Variants in RALYL observed in about 807,000 individuals in gnomAD.
RALYL encodes RNA-binding Raly-like protein.
In RALYL, 29 loss-of-function variants were observed where a neutral mutation model predicts 35.1. The ratio of observed to expected loss-of-function variants is 0.83; its 90% CI spans 0.61 to 1.13. The LOEUF is 1.13. Ranked by LOEUF, RALYL falls within the 50% of genes most tolerant of loss-of-function variation. The pLI is 0.00. For synonymous variants in RALYL, 120 were observed against 127.6 expected (o/e 0.94, Z 0.40); for missense variants, 359 against 360.4 (o/e 1.00, Z 0.03).
intron 1 of RALYL, among the ~76,000 whole-genome samples, chr8:84,499,282 A>G (rs1183488578): frequency 1.3e-5 from 2 of 152,070 alleles, no homozygotes; most frequent in Non-Finnish European, 2.9e-5. Context: ...GTTTACAATT[A>G]TGTATTTTTT....
intron 1 of RALYL, among the ~76,000 whole-genome samples, chr8:84,278,587 G>C (rs142997215): frequency 2.0e-5 from 3 of 152,120 alleles, no homozygotes; most frequent in African/African-American, 7.2e-5. Context: ...TCTCTTGAAG[G>C]CTTTGCCATG....
chr8:84,245,917 AGAGAAAGT>A (rs1828991654), intron 1 of RALYL, among the ~76,000 whole-genome samples: 1 of 152,280 alleles, frequency 6.6e-6, no homozygotes, highest in East Asian at 1.9e-4. Context: ...TAATTGACAA[AGAGAAAGT>A]GCAGCTTTGA....
At chr8:84,227,249 G>A (rs1281186399) in intron 1 of RALYL, among the ~76,000 whole-genome samples, 1 of 151,460 alleles carries the variant, frequency 6.6e-6, no homozygotes, top group Non-Finnish European at 1.5e-5. Context: ...TAGTAGAGAC[G>A]GGGTTTTACC....
intron 1 of RALYL, among the ~76,000 whole-genome samples, chr8:84,309,859 C>T (rs1269080568): frequency 3.3e-5 from 5 of 151,894 alleles, no homozygotes; most frequent in Non-Finnish European, 7.4e-5. Flanking sequence ...GCCATCTCAG[C>T]TCACTGCAAC....
At chr8:84,654,310 T>TATATATATATATATATATAC (rs1554766145) in intron 2 of RALYL, among the ~76,000 whole-genome samples, 9 of 134,720 alleles carry the variant, frequency 6.7e-5, no homozygotes, top group African/African-American at 2.5e-4. Context: ...TATATATATA[T>TATATATATATATATATATAC]ATATCATGTA....
chr8:84,448,771 T>C (rs976975895), intron 1 of RALYL, among the ~76,000 whole-genome samples: 1 of 152,058 alleles, frequency 6.6e-6, no homozygotes, highest in Non-Finnish European at 1.5e-5. Flanking sequence ...CGTAAAAATC[T>C]TGGGATATAT....
chr8:84,624,325 G>A (rs1822245304), intron 2 of RALYL, among the ~76,000 whole-genome samples: 1 of 152,166 alleles, frequency 6.6e-6, no homozygotes, highest in South Asian at 2.1e-4. Context: ...GCCTAACGTG[G>A]GTTTTACTGG....
At chr8:84,691,631 C>T (rs554811516) in intron 2 of RALYL, among the ~76,000 whole-genome samples, 1 of 152,034 alleles carries the variant, frequency 6.6e-6, no homozygotes, top group Admixed American at 6.6e-5. Flanking sequence ...CTCCCCCCTC[C>T]CCTCATATCT....
At chr8:84,310,304 G>T (rs887780201) in intron 1 of RALYL, among the ~76,000 whole-genome samples, 1 of 151,816 alleles carries the variant, frequency 6.6e-6, no homozygotes, top group Non-Finnish European at 1.5e-5. Context: ...CTTCCAAAGT[G>T]CTGGGATTAC....
intron 2 of RALYL, among the ~76,000 whole-genome samples, chr8:84,533,413 G>T (rs183151454): frequency 3.3e-5 from 5 of 152,236 alleles, no homozygotes; most frequent in Admixed American, 6.5e-5. Context: ...ACTAAGACTA[G>T]ACAGTGCCAA....
chr8:84,807,692 T>TTTGA (rs1824972627), intron 4 of RALYL, among the ~76,000 whole-genome samples: 1 of 152,226 alleles, frequency 6.6e-6, no homozygotes, highest in African/African-American at 2.4e-5. Context: ...TTTTTGATTT[T>TTTGA]TTGATTATGG....
intron 1 of RALYL, among the ~76,000 whole-genome samples, chr8:84,311,053 CAAAAAAAAAAAAAAAAA>C (rs34029529): frequency 6.9e-3 from 66 of 9,520 alleles, no homozygotes; most frequent in East Asian, 0.023. Flanking sequence ...GACTCCGTCT[CAAAAAAAAAAAAAAAAA>C]AAAAAAAAAA....
intron 1 of RALYL, among the ~76,000 whole-genome samples, chr8:84,502,235 T>A (rs575801759): frequency 3.5e-4 from 54 of 152,154 alleles, no homozygotes; most frequent in Admixed American, 3.3e-3. Context: ...TGTGTATATA[T>A]ATCTATGACT....
intron 1 of RALYL, among the ~76,000 whole-genome samples, chr8:84,300,199 A>G (rs1216788699): frequency 6.6e-6 from 1 of 151,940 alleles, no homozygotes; most frequent in African/African-American, 2.4e-5. Flanking sequence ...TATTTATCAA[A>G]AAGTCATTCA....
In RALYL at chr8:84,542,935, C is replaced by T. The variant is rs569581398; in HGVS notation, c.256+13358C>T. Among the ~76,000 whole-genome samples the T allele has an allele frequency of 3.3e-5, 5 of 152,188 alleles. No individual in the cohort carries two copies. In the South Asian group the frequency reaches 1.0e-3, roughly 31 times the overall value. On this transcript the variant is annotated intron_variant, in intron 2 of 8. Coordinates refer to ENST00000521268, the MANE Select transcript of RALYL (RefSeq NM_173848.7). ...TCCCTTAAGTCTCTTAGTTTAAAAGCTCTCCTAATATATCCCACATCCCCT... is the reference window on the plus strand; with the variant it reads ...TCCCTTAAGTCTCTTAGTTTAAAAGTTCTCCTAATATATCCCACATCCCCT...
chr8:84,424,586 C>G (rs1481967884), intron 1 of RALYL, among the ~76,000 whole-genome samples: 1 of 151,418 alleles, frequency 6.6e-6, no homozygotes, highest in African/African-American at 2.4e-5. Context: ...TGTTCTGTTG[C>G]TGGTGAGGAA....
intron 1 of RALYL, among the ~76,000 whole-genome samples, chr8:84,468,475 A>C (rs1225684597): frequency 6.8e-6 from 1 of 146,622 alleles, no homozygotes; most frequent in Non-Finnish European, 1.5e-5. Context: ...ATTGGCCCCC[A>C]CTCTCTTCTG....
intron 1 of RALYL, among the ~76,000 whole-genome samples, chr8:84,409,270 A>C (rs2043864358): frequency 6.6e-6 from 1 of 152,138 alleles, no homozygotes; most frequent in Non-Finnish European, 1.5e-5. Flanking sequence ...TGTATTCAAA[A>C]TTACTCAAAT....
intron 1 of RALYL, among the ~76,000 whole-genome samples, chr8:84,500,406 A>G (rs535844646): frequency 1.3e-5 from 2 of 152,316 alleles, no homozygotes; most frequent in African/African-American, 4.8e-5. Flanking sequence ...AACTGTTTTT[A>G]AGTACTGCTA....
Sources: gnomAD v4.1 joint callset for allele counts (sites outside exome capture counted in the v4.1 genomes callset) on GRCh38, gnomAD v4.1.1 for gene constraint, MANE v1.5 for transcripts, NCBI Gene and HGNC (gene_info 2026-07-23, HGNC 2026-07-21) for gene names.